The following RAB3B variants were observed in gnomAD, a reference collection of about 807,000 sequenced individuals.
The protein encoded by RAB3B is RAB3B, member RAS oncogene family, also known as ras-related protein Rab-3B.
Under a neutral mutation model 20.5 loss-of-function variants are expected in RAB3B, and 11 were observed. The ratio of observed to expected loss-of-function variants is 0.54; its 90% confidence interval spans 0.34 to 0.89. The LOEUF is 0.89. RAB3B is among the 40% of genes least tolerant of loss of function. The pLI, the probability that RAB3B is intolerant of heterozygous loss-of-function variation, is 0.02. For missense variants in RAB3B, 225 were observed against 280.9 expected (o/e 0.80, Z 1.42); for synonymous variants, 99 against 106.3 (o/e 0.93, Z 0.42).
At chr1:51,948,700 A>G (rs1207550564) in intron 2 of RAB3B, among the ~76,000 whole-genome samples, 1 of 152,196 alleles carries the variant, frequency 6.6e-6, no homozygotes, top group Non-Finnish European at 1.5e-5. Context: ...ACCATCCTGG[A>G]AAAGTCACAT....
chr1:51,989,561 C>T (rs543502200), intron 1 of RAB3B, among the ~76,000 whole-genome samples: 30 of 151,786 alleles, frequency 2.0e-4, no homozygotes, highest in African/African-American at 7.3e-4. Context: ...CCAGGCTGAC[C>T]CAGCGCCCCA....
rs1684051616 is a variant in RAB3B at position 51,914,397 on chromosome 1, T to C, written c.*5530A>G. 6.6e-6 allele frequency: 1 copy of C among 152,204 alleles called. No individual in the cohort carries two copies. Among genetic ancestry groups the C allele is most frequent in the Admixed American group, 6.5e-5 (1 of 15,282 alleles). The allele number at this position is 152,204 out of a possible 1,614,324, so 9.4% of individuals were successfully genotyped here. ...ATTCCGGTTTCCCAGTTGAGTGTTC[T>C]CACAGCATCACGTGCCTTTCCTTTA... On this transcript the variant is annotated 3_prime_UTR_variant, in exon 5 of 5. Transcript: ENST00000371655.
chr1:51,934,481 A>T (rs1191659228), intron 3 of RAB3B, among the ~76,000 whole-genome samples: 3 of 152,204 alleles, frequency 2.0e-5, no homozygotes, highest in Admixed American at 2.0e-4. Flanking sequence ...CTTTTAAAAA[A>T]TACTTTTTGG....
intron 2 of RAB3B, among the ~76,000 whole-genome samples, chr1:51,945,286 C>T (rs1392698754): frequency 1.3e-5 from 2 of 152,224 alleles, no homozygotes; most frequent in Non-Finnish European, 2.9e-5. Context: ...ATCCTCCCAC[C>T]TCAGCCTCCC....
intron 4 of RAB3B, among the ~76,000 whole-genome samples, chr1:51,923,739 A>G (rs1684205464): frequency 6.6e-6 from 1 of 151,530 alleles, no homozygotes; most frequent in East Asian, 1.9e-4. Flanking sequence ...AAAAGTCAGA[A>G]CTGAGCAAAA....
At chr1:51,968,118 G>A (rs1684881565) in intron 2 of RAB3B, among the ~76,000 whole-genome samples, 1 of 152,146 alleles carries the variant, frequency 6.6e-6, no homozygotes, top group Admixed American at 6.5e-5. Flanking sequence ...GCAGCCTCTG[G>A]AAGCTGGAAA....
rs115696817 is a variant in RAB3B at position 51,931,259 on chromosome 1, T to C, written c.472+2059A>G. ...GCCCCTGCCTGGAATGCCCTTAACT[T>C]TCTTCTTCACTGGACTGGTCCTACT... is the stretch of plus-strand genomic sequence containing the variant. On this transcript the variant is annotated intron_variant, in intron 4 of 4. Coordinates refer to ENST00000371655, the MANE Select transcript of RAB3B (RefSeq NM_002867.4). 6.2e-3 allele frequency among the ~76,000 whole-genome samples: 942 copies of C among 152,178 alleles called. 27 individuals are homozygous for C. In the South Asian group the frequency reaches 0.093, roughly 15 times the overall value.
At position 51,909,555 on chromosome 1, in the gene RAB3B, C is replaced by T. The variant is rs1273739667; in HGVS notation, c.*10372G>A. 1.3e-5 allele frequency: 2 copies of T among 152,112 alleles called. No homozygotes were observed. The highest frequency in any genetic ancestry group is 2.4e-5 in the African/African-American group (1 of 41,430). The allele number at this position is 152,112 out of a possible 1,614,324, so 9.4% of individuals were successfully genotyped here. On this transcript the variant is annotated 3_prime_UTR_variant, in exon 5 of 5. Transcript: ENST00000371655. Reference sequence around the variant, plus strand: ...GAGCACTCTAAACTCTCATTCTGGGCTCATTCCTCACTCCTGGAGGCTGAT... The same window carrying T: ...GAGCACTCTAAACTCTCATTCTGGGTTCATTCCTCACTCCTGGAGGCTGAT...
At chr1:51,945,556 A>G (rs918364829) in intron 2 of RAB3B, among the ~76,000 whole-genome samples, 1 of 152,194 alleles carries the variant, frequency 6.6e-6, no homozygotes, top group Non-Finnish European at 1.5e-5. Context: ...TTTTGTGAGG[A>G]TTAATAATGT....
intron 2 of RAB3B, among the ~76,000 whole-genome samples, chr1:51,963,295 GTCCTTCA>G (rs1684806973): frequency 1.3e-5 from 2 of 152,148 alleles, no homozygotes; most frequent in Admixed American, 1.3e-4. Flanking sequence ...CCTTTTCACT[GTCCTTCA>G]TCCCTTGTGT....
intron 1 of RAB3B, among the ~76,000 whole-genome samples, chr1:51,990,271 TGCCCCCCATCTCTCCTCCCA>T (rs1288871666): frequency 1.0e-5 from 1 of 96,122 alleles, no homozygotes; most frequent in Non-Finnish European, 2.0e-5. Flanking sequence ...GCCCTCCAGT[TGCCCCCCATCTCTCCTCCCA>T]GCCCCAGCGC....
intron 4 of RAB3B, among the ~76,000 whole-genome samples, chr1:51,930,831 C>T (rs977406942): frequency 1.3e-5 from 2 of 152,094 alleles, no homozygotes; most frequent in African/African-American, 4.8e-5. Context: ...GCCTGGCCAA[C>T]ATGATGAAAC....
At chr1:51,932,678 T>C (rs185573223) in intron 4 of RAB3B, among the ~76,000 whole-genome samples, 3 of 152,342 alleles carry the variant, frequency 2.0e-5, no homozygotes, top group Admixed American at 2.0e-4. Context: ...ATATAAATAC[T>C]CAGTGCTGGA....
chr1:51,989,696 G>A (rs1349197184), intron 1 of RAB3B, among the ~76,000 whole-genome samples: 1 of 151,678 alleles, frequency 6.6e-6, no homozygotes, highest in Non-Finnish European at 1.5e-5. Context: ...CCATTTCCAA[G>A]GCCACTTCCC....
At chr1:51,931,759 G>A (rs766351281) in intron 4 of RAB3B, among the ~76,000 whole-genome samples, 3 of 152,076 alleles carry the variant, frequency 2.0e-5, no homozygotes, top group Non-Finnish European at 1.5e-5. Flanking sequence ...GCTGGGAAAG[G>A]TTTCATAGAA....
intron 2 of RAB3B, among the ~76,000 whole-genome samples, chr1:51,948,850 T>G (rs1211692545): frequency 1.3e-5 from 2 of 152,234 alleles, no homozygotes; most frequent in Non-Finnish European, 2.9e-5. Context: ...AAGAACAGGA[T>G]GTCTGGTTTT....
rs1571981327 is a variant in RAB3B, at chr1:51,980,700, T to C, written c.1-3583A>G. ...ATGTGAAGCTACATTACTATGCGAG[T>C]TGTGCAATTCACAGCAAAGTAGTCA... On this transcript the variant is annotated intron_variant, in intron 1 of 4. Coordinates refer to ENST00000371655, the MANE Select transcript of RAB3B (RefSeq NM_002867.4). 9 of 756,410 alleles carry C rather than the reference T, an allele frequency of 1.2e-5. No individual in the cohort carries two copies. The East Asian group carries it at 2.2e-4, about 18-fold the overall frequency. The allele number at this position is 756,410 out of a possible 1,614,324, so 46.9% of individuals were successfully genotyped here.
At chr1:51,967,243 G>A (rs2124297758) in intron 2 of RAB3B, among the ~76,000 whole-genome samples, 1 of 152,224 alleles carries the variant, frequency 6.6e-6, no homozygotes, top group South Asian at 2.1e-4. Flanking sequence ...AACCCAGGAA[G>A]TGGAGGTTGC....
In RAB3B at chr1:51,958,494, T is replaced by A. The variant is rs796879351; in HGVS notation, c.228+18396A>T. On this transcript the variant is annotated intron_variant, in intron 2 of 4. Transcript: ENST00000371655. ...ATCCTAGCACTTTGGGAGGCCGAGG[T>A]GGGCAGATCACCTGAGGTCAGGAGT... Among the ~76,000 whole-genome samples the A allele has an allele frequency of 3.3e-5, 5 of 151,930 alleles. 1 individual carries two copies. The South Asian group carries it at 1.0e-3, about 32-fold the overall frequency.
Sources: allele counts gnomAD v4.1 joint callset (sites outside exome capture counted in the v4.1 genomes callset), GRCh38; gene constraint gnomAD v4.1.1; transcripts MANE v1.5; gene names NCBI Gene and HGNC (gene_info 2026-07-23, HGNC 2026-07-21).